The following CDH4 variants were observed in gnomAD, a reference collection of about 807,000 sequenced individuals.
CDH4 encodes cadherin 4, also known as cadherin-4.
Under a neutral mutation model 86.0 loss-of-function variants are expected in CDH4, and 33 were observed. The ratio of observed to expected loss-of-function variants is 0.38; its 90% confidence interval spans 0.29 to 0.51. The LOEUF (loss-of-function observed/expected upper bound fraction) is 0.51. CDH4 is among the 20% of genes least tolerant of loss of function. The probability of loss-of-function intolerance (pLI) is 0.86; values close to 1 mark genes in which losing one functional copy is unlikely to be tolerated. For missense variants in CDH4, 1,114 were observed against 1,307.4 expected (o/e 0.85, Z 2.28); for synonymous variants, 555 against 549.4 (o/e 1.01, Z -0.14).
chr20:61,907,303 C>T (rs987094203), intron 8 of CDH4, among the ~76,000 whole-genome samples: 2 of 152,082 alleles, frequency 1.3e-5, no homozygotes, highest in Admixed American at 6.5e-5. Context: ...CAGGCCTCAG[C>T]GAAGCTTCCT....
At chr20:61,759,717 T>C (rs1035826224) in intron 3 of CDH4, among the ~76,000 whole-genome samples, 4 of 152,134 alleles carry the variant, frequency 2.6e-5, no homozygotes, top group African/African-American at 9.7e-5. Flanking sequence ...GTTTAAGGTG[T>C]TTCTAACTAA....
At chr20:61,775,341 A>C (rs925309277) in intron 4 of CDH4, among the ~76,000 whole-genome samples, 18 of 151,008 alleles carry the variant, frequency 1.2e-4, no homozygotes, top group African/African-American at 3.9e-4. Context: ...GCGGGCTTCC[A>C]TCATGCTCTT....
intron 3 of CDH4, among the ~76,000 whole-genome samples, chr20:61,764,240 G>A (rs988212854): frequency 8.5e-5 from 13 of 152,338 alleles, no homozygotes; most frequent in Non-Finnish European, 1.9e-4. Context: ...GTGGACTTGG[G>A]GGCTAGTGTG....
At chr20:61,727,991 CAGCAGTGTAGGA>C (rs1412676398) in intron 2 of CDH4, among the ~76,000 whole-genome samples, 1 of 152,200 alleles carries the variant, frequency 6.6e-6, no homozygotes, top group Non-Finnish European at 1.5e-5. Flanking sequence ...GACTCACTCC[CAGCAGTGTAGGA>C]AGCACCTGCG....
intron 2 of CDH4, among the ~76,000 whole-genome samples, chr20:61,266,854 T>C (rs1048424118): frequency 2.6e-5 from 4 of 152,112 alleles, no homozygotes; most frequent in Middle Eastern, 3.4e-3. Flanking sequence ...AAATGTAACA[T>C]TATTTGGAGA....
chr20:61,499,193 T>C (rs1048833467), intron 2 of CDH4, among the ~76,000 whole-genome samples: 1 of 152,220 alleles, frequency 6.6e-6, no homozygotes, highest in East Asian at 1.9e-4. Flanking sequence ...TCGTAGCTCC[T>C]GGAGCCCTGG....
chr20:61,386,430 A>G (rs1393468244), intron 2 of CDH4, among the ~76,000 whole-genome samples: 2 of 152,140 alleles, frequency 1.3e-5, no homozygotes, highest in Non-Finnish European at 2.9e-5. Flanking sequence ...CTTACTCACC[A>G]GTGGTTCCAC....
chr20:61,384,337 C>T (rs998440441), intron 2 of CDH4, among the ~76,000 whole-genome samples: 24 of 152,154 alleles, frequency 1.6e-4, no homozygotes, highest in African/African-American at 5.8e-4. Flanking sequence ...GGTCTCCCCA[C>T]AGAGCATGGA....
intron 7 of CDH4, among the ~76,000 whole-genome samples, chr20:61,892,828 G>A (rs898170576): frequency 1.3e-5 from 2 of 152,106 alleles, no homozygotes; most frequent in South Asian, 4.2e-4. Context: ...CTCATCAGCT[G>A]CCAGTTTGGC....
intron 4 of CDH4, among the ~76,000 whole-genome samples, chr20:61,774,389 C>G (rs1420664217): frequency 2.6e-5 from 4 of 152,244 alleles, no homozygotes; most frequent in Non-Finnish European, 5.9e-5. Context: ...ATGCTAGAGA[C>G]GATGCCAATG....
chr20:61,435,185 C>T (rs1268042386), intron 2 of CDH4, among the ~76,000 whole-genome samples: 1 of 152,308 alleles, frequency 6.6e-6, no homozygotes, highest in East Asian at 1.9e-4. Context: ...CAATGGGTTC[C>T]GTAGTAACAG....
chr20:61,425,255 G>A (rs549084424), intron 2 of CDH4, among the ~76,000 whole-genome samples: 6 of 152,270 alleles, frequency 3.9e-5, no homozygotes, highest in African/African-American at 1.2e-4. Flanking sequence ...CACCACAGAA[G>A]GCTCCGGGAA....
intron 2 of CDH4, among the ~76,000 whole-genome samples, chr20:61,411,558 G>C (rs186055900): frequency 1.3e-5 from 2 of 151,982 alleles, no homozygotes; most frequent in Non-Finnish European, 2.9e-5. Context: ...GGCTGGGCAC[G>C]TGGTGCTGTC....
At chr20:61,933,508 T>C (rs2055139734) in intron 14 of CDH4, among the ~76,000 whole-genome samples, 1 of 152,194 alleles carries the variant, frequency 6.6e-6, no homozygotes, top group Admixed American at 6.5e-5. Flanking sequence ...GAGGGTAGAC[T>C]GTGAGAGCTG....
At chr20:61,757,930 G>T (rs958288851) in intron 3 of CDH4, among the ~76,000 whole-genome samples, 1 of 152,160 alleles carries the variant, frequency 6.6e-6, no homozygotes, top group South Asian at 2.1e-4. Context: ...CACTGTCTTT[G>T]TTCACTCCAG....
intron 2 of CDH4, among the ~76,000 whole-genome samples, chr20:61,530,055 G>A (rs186519660): frequency 6.6e-6 from 1 of 151,932 alleles, no homozygotes; most frequent in African/African-American, 2.4e-5. Context: ...TGTTTTGAGA[G>A]GGAGTCTTGC....
intron 2 of CDH4, among the ~76,000 whole-genome samples, chr20:61,643,192 A>G (rs781147751): frequency 6.6e-6 from 1 of 152,054 alleles, no homozygotes; most frequent in Non-Finnish European, 1.5e-5. Flanking sequence ...CATGAGAGAA[A>G]GCATCACAGG....
chr20:61,259,120 G>A (rs1206076631), intron 2 of CDH4, among the ~76,000 whole-genome samples: 1 of 152,210 alleles, frequency 6.6e-6, no homozygotes. Context: ...CCAGTGCCCA[G>A]TGCTGTACCC....
intron 2 of CDH4, among the ~76,000 whole-genome samples, chr20:61,725,764 G>A (rs976080986): frequency 6.6e-6 from 1 of 151,972 alleles, no homozygotes; most frequent in African/African-American, 2.4e-5. Flanking sequence ...GTGAGGGAGG[G>A]GAAGGCGAGG....
Sources: gnomAD v4.1 joint callset for allele counts (sites outside exome capture counted in the v4.1 genomes callset) on GRCh38, gnomAD v4.1.1 for gene constraint, MANE v1.5 for transcripts, NCBI Gene and HGNC (gene_info 2026-07-23, HGNC 2026-07-21) for gene names.